The following SLC38A10 variants were observed in gnomAD, a reference collection of about 807,000 sequenced individuals.
SLC38A10 encodes Sodium-coupled neutral amino acid transporter 10.
In SLC38A10, 53 loss-of-function variants were observed where a neutral mutation model predicts 81.0. That is an observed-to-expected ratio of 0.65 (90% CI 0.53 to 0.82). The LOEUF is 0.82. SLC38A10 is among the 40% of genes least tolerant of loss of function. SLC38A10 has a pLI of 0.00. For missense variants in SLC38A10, 1,471 were observed against 1,545.0 expected, an observed-to-expected ratio of 0.95 and a Z score of 0.80; for synonymous variants, 665 against 655.3, an observed-to-expected ratio of 1.01 and a Z score of -0.23.
intron 13 of SLC38A10, 189 bp downstream of exon 13, chr17:81,252,006 C>T: frequency 3.8e-6 from 3 of 782,024 alleles, no homozygotes; most frequent in East Asian, 2.7e-5. Flanking sequence ...ACAGATATTA[C>T]AGTAGCTGTC....
rs138682096 is a variant in SLC38A10, at chr17:81,270,964, G to A, written c.1085C>T (p.Pro362Leu). 1.4e-5 allele frequency: 23 copies of A among 1,613,726 alleles called. No individual in the cohort carries two copies. Among genetic ancestry groups the A allele is most frequent in the African/African-American group, 6.7e-5 (5 of 74,910 alleles). ...TMGSLICFIC[P>L]ALIYKKIHKN... ...GTGGATTTTCTTGTAGATCAGCGCC[G>A]GGCAGATGAAGCAGATGAGGCTTCC... Residue 362 changes from proline (P) to leucine (L), a missense_variant, in exon 10 of 16, where the codon CCG becomes CTG. Physicochemically the swap from Pro to Leu is moderately conservative, Grantham distance 98 (BLOSUM62 -3). Around this residue, in one of 2 missense-constraint regions of SLC38A10, gnomAD observed 720 missense variants for 827.7 expected, o/e 0.87. Coordinates refer to ENST00000374759, the MANE Select transcript of SLC38A10 (RefSeq NM_001037984.3). The surrounding 1 kb of genome is among the most constrained non-coding windows in gnomAD (Gnocchi z 4.0).
chr17:81,256,374 G>A (rs1202641503), intron 11 of SLC38A10, among the ~76,000 whole-genome samples: 2 of 152,334 alleles, frequency 1.3e-5, no homozygotes, highest in East Asian at 3.9e-4. Flanking sequence ...CCAGACCGGA[G>A]GCCAGCACGG....
Position 81,283,260 on chromosome 17 carries a change from G to T in SLC38A10, c.357+149C>A. On this transcript the variant is annotated intron_variant, in intron 4 of 15. Coordinates refer to ENST00000374759, the MANE Select transcript of SLC38A10 (RefSeq NM_001037984.3). This position sits in a 1 kb window ranked among gnomAD's most constrained non-coding sequence, Gnocchi z 4.7. ...ACAGACGTGACCCAGCAAAGCCCCCGCACTCCACCAAGCCCCTAGAATGAC... is the reference window on the plus strand; with the variant it reads ...ACAGACGTGACCCAGCAAAGCCCCCTCACTCCACCAAGCCCCTAGAATGAC... 1.6e-6 allele frequency: 1 copy of T among 637,534 alleles called. No individual in the cohort carries two copies. The highest frequency in any genetic ancestry group is 2.7e-6 in the Non-Finnish European group (1 of 367,098). The allele number at this position is 637,534 out of a possible 1,614,324, so 39.5% of individuals were successfully genotyped here. A position where few individuals can be genotyped will look rare whatever the true frequency, so the allele number is the denominator to read the frequency against.
At position 81,294,815 on chromosome 17, in the gene SLC38A10, G is replaced by A. The variant is rs1381120603; in HGVS notation, c.99+8C>T. On this transcript the variant is annotated splice_region_variant and intron_variant, in intron 1 of 15. Transcript: ENST00000374759. ...GAGGGCGGTGATCTCCGGGCCCACC[G>A]GACTCACCTGTTTGAAGCAGAAGGG... 1 of 1,580,778 alleles carries A rather than the reference G, an allele frequency of 6.3e-7. No individual in the cohort carries two copies. The highest frequency in any genetic ancestry group is 1.7e-4 in the Middle Eastern group (1 of 5,994).
At chr17:81,260,504 G>C (rs2063012673) in intron 10 of SLC38A10, 110 bp from the exon 11 acceptor site, 5 of 1,369,032 alleles carry the variant, frequency 3.7e-6, no homozygotes, top group Non-Finnish European at 3.9e-6. Context: ...GGCACGAGGA[G>C]AGTGGACATG....
chr17:81,261,668 G>A (rs906679475), intron 10 of SLC38A10, among the ~76,000 whole-genome samples: 8 of 152,316 alleles, frequency 5.3e-5, no homozygotes, highest in South Asian at 2.1e-4. Context: ...TCTGCCACCC[G>A]GAAACATTGG....
At chr17:81,258,431 C>CGGAA (rs2062991855) in intron 11 of SLC38A10, among the ~76,000 whole-genome samples, 1 of 152,174 alleles carries the variant, frequency 6.6e-6, no homozygotes, top group Non-Finnish European at 1.5e-5. Flanking sequence ...CCTCGGAGGG[C>CGGAA]ACCAGGTGAG....
At chr17:81,251,924 C>T (rs1487822632) in intron 13 of SLC38A10, 1 of 544,898 alleles carries the variant, frequency 1.8e-6, no homozygotes, top group Non-Finnish European at 3.0e-6. Flanking sequence ...CCCGCGCCGC[C>T]CCCCGTGTGC....
intron 6 of SLC38A10, chr17:81,280,184 C>A (rs1162731915): frequency 2.2e-6 from 1 of 450,958 alleles, no homozygotes; most frequent in Non-Finnish European, 4.5e-6. Flanking sequence ...AGAAAGCAGG[C>A]TCGCGCGCAC....
chr17:81,285,855 C>T (rs1292093364), intron 2 of SLC38A10: 2 of 152,320 alleles, frequency 1.3e-5, no homozygotes, highest in African/African-American at 4.8e-5. Context: ...AAAAACACTC[C>T]TTATTACTTT....
chr17:81,252,942 C>G (rs2062933287), intron 12 of SLC38A10, 131 bp downstream of exon 12: 1 of 1,267,382 alleles, frequency 7.9e-7, no homozygotes, highest in Admixed American at 2.2e-5. Context: ...ACAAAAAGGA[C>G]CAGAACTTAG....
chr17:81,262,135 C>G (rs144852287), intron 10 of SLC38A10, among the ~76,000 whole-genome samples: 1 of 152,158 alleles, frequency 6.6e-6, no homozygotes, highest in African/African-American at 2.4e-5. Context: ...AGGTGTGGAA[C>G]GGCCCGCCCA....
At chr17:81,262,571 T>A (rs2063033298) in intron 10 of SLC38A10, among the ~76,000 whole-genome samples, 1 of 152,144 alleles carries the variant, frequency 6.6e-6, no homozygotes. Flanking sequence ...CAAAAAAAAA[T>A]TTATCTCCCT....
At chr17:81,269,711 G>A (rs2063098412) in intron 10 of SLC38A10, among the ~76,000 whole-genome samples, 2 of 152,050 alleles carry the variant, frequency 1.3e-5, no homozygotes, top group South Asian at 2.1e-4. Flanking sequence ...GAGGCCGGGC[G>A]CATTGGCTCA....
chr17:81,246,379 C>G lies in SLC38A10; in HGVS notation c.2537G>C (p.Gly846Ala). 1 of 1,600,690 alleles carries G rather than the reference C, an allele frequency of 6.2e-7. No individual in the cohort carries two copies. The highest frequency in any genetic ancestry group is 1.1e-5 in the South Asian group (1 of 90,432). Residue 846 changes from glycine (G) to alanine (A), a missense_variant, in exon 16 of 16, where the codon GGC (glycine) becomes GCC (alanine). Gly to Ala is a moderately conservative substitution (Grantham distance 60, BLOSUM62 0). Around this residue, in one of 2 missense-constraint regions of SLC38A10, gnomAD observed 751 missense variants for 717.4 expected, o/e 1.05. Transcript: ENST00000374759. ...GQKDAAPRAAGTVKELPKGPE... is the reference protein window; with the variant it reads ...GQKDAAPRAAATVKELPKGPE... The stretch of plus-strand genomic sequence containing the variant: ...GCCCTTGGGGAGCTCCTTCACAGTG[C>G]CAGCTGCCCTGGGGGCGGCATCCTT...
At chr17:81,250,284 A>T (rs898766763) in intron 14 of SLC38A10, among the ~76,000 whole-genome samples, 1 of 152,250 alleles carries the variant, frequency 6.6e-6, no homozygotes, top group African/African-American at 2.4e-5. Context: ...GAAGTGGCTC[A>T]GAGCTCCGGG....
intron 11 of SLC38A10, among the ~76,000 whole-genome samples, chr17:81,258,525 G>T (rs530858493): frequency 3.9e-5 from 6 of 152,098 alleles, no homozygotes; most frequent in Non-Finnish European, 8.8e-5. Context: ...CAGTGCTAAG[G>T]GGACGGGGAG....
chr17:81,252,787 G>C (rs1316291490), intron 12 of SLC38A10, 104 bp from the exon 13 acceptor site: 2 of 1,470,244 alleles, frequency 1.4e-6, no homozygotes, highest in South Asian at 1.4e-5. Context: ...CCAACAGTGT[G>C]ACACAGGCCA....
chr17:81,278,390 A>C (rs113277060), intron 6 of SLC38A10, among the ~76,000 whole-genome samples: 141 of 152,182 alleles, frequency 9.3e-4, no homozygotes, highest in African/African-American at 3.4e-3. Flanking sequence ...TCTCCAAAAA[A>C]AAGAAAACCC....
Sources: gnomAD v4.1 joint callset for allele counts (sites outside exome capture counted in the v4.1 genomes callset) on GRCh38, gnomAD v4.1.1 for gene constraint, gnomAD v4.1.1 regional missense constraint, Gnocchi (gnomAD v3.1) non-coding constraint, MANE v1.5 for transcripts, NCBI Gene and HGNC (gene_info 2026-07-23, HGNC 2026-07-21) for gene names.